The following SEM1 variants were observed in gnomAD, a reference collection of about 807,000 sequenced individuals.
The protein encoded by SEM1 is 26S proteasome complex subunit SEM1.
SEM1 carries 3 observed loss-of-function variants against 12.7 expected under a neutral mutation model. That is an observed-to-expected ratio of 0.24 (90% CI 0.11 to 0.61). SEM1 has a LOEUF of 0.61. Ranked by LOEUF, SEM1 falls within the 20% of genes least tolerant of loss-of-function variation. The pLI, the probability that SEM1 is intolerant of heterozygous loss-of-function variation, is 0.88. For missense variants in SEM1, 59 were observed against 81.3 expected (o/e 0.73, Z 1.06); for synonymous variants, 30 against 27.8 (o/e 1.08, Z -0.25).
chr7:96,709,711 T>C lies in SEM1; in HGVS notation c.53A>G (p.Glu18Gly). 1 of 1,613,796 alleles carries C rather than the reference T, an allele frequency of 6.2e-7. No homozygotes were observed. Among genetic ancestry groups the C allele is most frequent in the Non-Finnish European group, 8.5e-7 (1 of 1,179,880 alleles). Residue 18 changes from glutamate to glycine, a missense_variant, in exon 1 of 3, where the codon GAG becomes GGG. Physicochemically the swap from Glu to Gly is moderately conservative, Grantham distance 98. Transcript: ENST00000248566. The part of the protein sequence containing the change: ...VDLGLLEEDD[E>G]FEEFPAEDWA... ...ACCTTCGGCAGGGAACTCTTCAAAC[T>C]CGTCGTCTTCCTCTAACAGACCTAA...
intron 2 of SEM1, among the ~76,000 whole-genome samples, chr7:96,568,182 T>G (rs1805908294): frequency 6.6e-6 from 1 of 151,772 alleles, no homozygotes; most frequent in Admixed American, 6.6e-5. Flanking sequence ...ATGCCCTAGA[T>G]TTTCTATCCC....
At chr7:96,560,942 GTTTAA>G (rs1264601342) in intron 2 of SEM1, among the ~76,000 whole-genome samples, 5 of 152,038 alleles carry the variant, frequency 3.3e-5, no homozygotes, top group African/African-American at 1.2e-4. Context: ...AGTACGTGCT[GTTTAA>G]TTTAATTTTA....
intron 2 of SEM1, among the ~76,000 whole-genome samples, chr7:96,666,191 T>G (rs956661338): frequency 5.3e-5 from 8 of 152,172 alleles, no homozygotes; most frequent in African/African-American, 1.9e-4. Flanking sequence ...TCTTAAAAGT[T>G]TTCCCAGTGT....
At chr7:96,536,730 C>G (rs1178611155) in intron 2 of SEM1, among the ~76,000 whole-genome samples, 1 of 151,760 alleles carries the variant, frequency 6.6e-6, no homozygotes, top group Non-Finnish European at 1.5e-5. Context: ...ATTAATATAA[C>G]TACTTCAGCT....
intron 2 of SEM1, among the ~76,000 whole-genome samples, chr7:96,611,728 T>A (rs2116238655): frequency 6.6e-6 from 1 of 152,318 alleles, no homozygotes; most frequent in South Asian, 2.1e-4. Flanking sequence ...TACCAAGCAA[T>A]CACAGAATCC....
intron 2 of SEM1, among the ~76,000 whole-genome samples, chr7:96,635,657 T>G (rs1387405687): frequency 1.3e-5 from 2 of 152,140 alleles, no homozygotes; most frequent in Admixed American, 1.3e-4. Flanking sequence ...GAGCACTACC[T>G]AGCTTGAAAA....
chr7:96,523,312 A>G (rs1804344119), intron 2 of SEM1, among the ~76,000 whole-genome samples: 1 of 152,094 alleles, frequency 6.6e-6, no homozygotes, highest in South Asian at 2.1e-4. Context: ...GTCTGACGAG[A>G]GTATATATGG....
At chr7:96,569,843 T>C (rs1329030886) in intron 2 of SEM1, among the ~76,000 whole-genome samples, 1 of 152,178 alleles carries the variant, frequency 6.6e-6, no homozygotes, top group Non-Finnish European at 1.5e-5. Flanking sequence ...TGTAGTTCCA[T>C]TCATGTTGCT....
At chr7:96,525,180 G>C (rs758101740) in intron 2 of SEM1, among the ~76,000 whole-genome samples, 3 of 151,454 alleles carry the variant, frequency 2.0e-5, no homozygotes, top group Non-Finnish European at 4.4e-5. Context: ...CCTTCTCTGC[G>C]TGCCAATCTC....
At chr7:96,535,717 T>G (rs1381758424) in intron 2 of SEM1, among the ~76,000 whole-genome samples, 1 of 151,968 alleles carries the variant, frequency 6.6e-6, no homozygotes, top group Non-Finnish European at 1.5e-5. Flanking sequence ...GGTATTCGGT[T>G]TTCTGTTCCT....
Position 96,709,683 on chromosome 7 carries a change from G to A in SEM1, c.76+5C>T. On this transcript the variant is annotated splice_donor_5th_base_variant and intron_variant, in intron 1 of 2. Transcript: ENST00000248566. ...GCGACACAGAAACCGGGGCCCAGCG[G>A]TTACCTTCGGCAGGGAACTCTTCAA... 6.2e-7 allele frequency: 1 copy of A among 1,612,994 alleles called. No homozygotes were observed. The highest frequency in any genetic ancestry group is 8.5e-7 in the Non-Finnish European group (1 of 1,179,408).
At chr7:96,594,117 C>A (rs991114062) in intron 2 of SEM1, among the ~76,000 whole-genome samples, 1 of 152,028 alleles carries the variant, frequency 6.6e-6, no homozygotes, top group African/African-American at 2.4e-5. Context: ...TAGATTATTT[C>A]TAATTTTGCT....
At chr7:96,694,711 T>G in intron 2 of SEM1, 87 bp downstream of exon 2, 1 of 867,848 alleles carries the variant, frequency 1.2e-6, no homozygotes, top group Non-Finnish European at 1.9e-6. Context: ...TTAAGTAGCT[T>G]TTAAGAGGTT....
chr7:96,489,338 C>T (rs185521159), intron 1 of SEM1, among the ~76,000 whole-genome samples: 15 of 152,226 alleles, frequency 9.9e-5, no homozygotes, highest in Non-Finnish European at 2.1e-4. Context: ...TGTTAAGCTA[C>T]GAATTGCTGG....
At chr7:96,627,382 T>A (rs538685778) in intron 2 of SEM1, among the ~76,000 whole-genome samples, 5 of 152,058 alleles carry the variant, frequency 3.3e-5, no homozygotes, top group Non-Finnish European at 7.4e-5. Context: ...GTTTTTCTTC[T>A]TCTTTGATGC....
At chr7:96,619,922 C>T (rs1421589911), downstream of SEM1, among the ~76,000 whole-genome samples, 4 of 152,244 alleles carry the variant, frequency 2.6e-5, no homozygotes, top group South Asian at 8.3e-4. Context: ...CAAAATGGTA[C>T]CTTCGTCTTG....
intron 2 of SEM1, among the ~76,000 whole-genome samples, chr7:96,532,998 G>C (rs946323355): frequency 6.6e-6 from 1 of 151,982 alleles, no homozygotes; most frequent in African/African-American, 2.4e-5. Context: ...TGTTCTAATG[G>C]ACTCCTTAAA....
At chr7:96,572,488 G>T (rs1471031642) in intron 2 of SEM1, among the ~76,000 whole-genome samples, 4 of 152,050 alleles carry the variant, frequency 2.6e-5, no homozygotes, top group Non-Finnish European at 5.9e-5. Context: ...TTGTGCCTTT[G>T]TTCTCATTGG....
intron 2 of SEM1, among the ~76,000 whole-genome samples, chr7:96,521,128 G>C (rs1232261547): frequency 1.3e-5 from 2 of 151,962 alleles, no homozygotes; most frequent in Admixed American, 6.6e-5. Context: ...GATTTTCTTC[G>C]AGGGGGCCTG....
Sources: allele counts gnomAD v4.1 joint callset (sites outside exome capture counted in the v4.1 genomes callset), GRCh38; gene constraint gnomAD v4.1.1; transcripts MANE v1.5; gene names NCBI Gene and HGNC (gene_info 2026-07-23, HGNC 2026-07-21).